Variants in CHRM2 observed in about 807,000 individuals in gnomAD.
The protein encoded by CHRM2 is muscarinic acetylcholine receptor M2.
In CHRM2, 8 loss-of-function variants were observed where a neutral mutation model predicts 25.0. The observed-to-expected ratio is 0.32, with a 90% CI of 0.19 to 0.58. The LOEUF is 0.58. Ranked by LOEUF, CHRM2 falls within the 20% of genes least tolerant of loss-of-function variation. The pLI is 0.88. For missense variants in CHRM2, 440 were observed against 567.1 expected, an observed-to-expected ratio of 0.78 and a Z score of 2.28; for synonymous variants, 202 against 205.7, an observed-to-expected ratio of 0.98 and a Z score of 0.15.
chr7:136,957,945 AG>A (rs1563090119), intron 2 of CHRM2, among the ~76,000 whole-genome samples: 1 of 152,246 alleles, frequency 6.6e-6, no homozygotes, highest in Non-Finnish European at 1.5e-5. Context: ...TTAAGCTAGA[AG>A]TTTAAAAACT....
intron 2 of CHRM2, among the ~76,000 whole-genome samples, chr7:136,987,666 G>A (rs1244488953): frequency 6.6e-6 from 1 of 152,180 alleles, no homozygotes; most frequent in Non-Finnish European, 1.5e-5. Context: ...AATGACAAAT[G>A]GGTGAACTAT....
chr7:137,009,269 C>G (rs1023151527), intron 3 of CHRM2, among the ~76,000 whole-genome samples: 1 of 152,034 alleles, frequency 6.6e-6, no homozygotes, highest in African/African-American at 2.4e-5. Context: ...TTAATTTTCT[C>G]TGTAACAATT....
intron 2 of CHRM2, among the ~76,000 whole-genome samples, chr7:136,966,002 T>C (rs1801393367): frequency 6.6e-6 from 1 of 151,966 alleles, no homozygotes; most frequent in African/African-American, 2.4e-5. Context: ...TATGCTATAA[T>C]ATTAACCAAG....
intron 2 of CHRM2, among the ~76,000 whole-genome samples, chr7:136,926,065 C>G (rs1215988791): frequency 6.6e-6 from 1 of 151,944 alleles, no homozygotes; most frequent in Non-Finnish European, 1.5e-5. Flanking sequence ...GGTGAAACAC[C>G]ACGTCTACTA....
At chr7:136,962,585 T>G (rs1198649086) in intron 2 of CHRM2, among the ~76,000 whole-genome samples, 1 of 152,218 alleles carries the variant, frequency 6.6e-6, no homozygotes, top group African/African-American at 2.4e-5. Context: ...AATATGAAAC[T>G]GTCCACTTAA....
intron 2 of CHRM2, among the ~76,000 whole-genome samples, chr7:136,911,262 T>C (rs150613207): frequency 9.2e-4 from 140 of 152,016 alleles, no homozygotes; most frequent in African/African-American, 3.3e-3. Flanking sequence ...TTATCTTAGA[T>C]TGATAACATC....
At chr7:136,913,535 G>A (rs1322605128) in intron 2 of CHRM2, among the ~76,000 whole-genome samples, 1 of 151,838 alleles carries the variant, frequency 6.6e-6, no homozygotes, top group African/African-American at 2.4e-5. Flanking sequence ...TGTGTAATAA[G>A]GTAACTTTGC....
intron 3 of CHRM2, among the ~76,000 whole-genome samples, chr7:136,999,224 C>T (rs1803815461): frequency 1.3e-5 from 2 of 151,870 alleles, no homozygotes; most frequent in African/African-American, 2.4e-5. Context: ...AATGTACCAT[C>T]GGGGAGGGGA....
chr7:136,977,083 A>ATC (rs1486773006), intron 2 of CHRM2, among the ~76,000 whole-genome samples: 21 of 152,220 alleles, frequency 1.4e-4, no homozygotes, highest in Non-Finnish European at 1.5e-5. Context: ...ACTGTGAAAG[A>ATC]TAGAACATCT....
At chr7:136,939,383 T>C (rs900743275) in intron 2 of CHRM2, among the ~76,000 whole-genome samples, 3 of 152,244 alleles carry the variant, frequency 2.0e-5, no homozygotes, top group African/African-American at 7.2e-5. Flanking sequence ...GTTCCAGTTC[T>C]AATGCCCCTT....
rs1805213844 is a variant in CHRM2, at chr7:137,016,741, A to G, written c.*475A>G. On this transcript the variant is annotated 3_prime_UTR_variant, in exon 4 of 4. Transcript: ENST00000680005. Reference sequence around the variant, plus strand: ...ATGGGGACATAAAAAAAGAAAATCAAAGAAGGATGCAGAAATTGTCTCCGG... The same window carrying G: ...ATGGGGACATAAAAAAAGAAAATCAGAGAAGGATGCAGAAATTGTCTCCGG... 1 of 171,464 alleles carries G rather than the reference A, an allele frequency of 5.8e-6. No homozygotes were observed. Among genetic ancestry groups the G allele is most frequent in the African/African-American group, 2.4e-5 (1 of 41,468 alleles). The allele number at this position is 171,464 out of a possible 1,614,324, so 10.6% of individuals were successfully genotyped here.
chr7:136,992,482 A>G (rs1191098508), intron 3 of CHRM2, among the ~76,000 whole-genome samples: 1 of 152,178 alleles, frequency 6.6e-6, no homozygotes, highest in Non-Finnish European at 1.5e-5. Context: ...GGGACAAACT[A>G]TTCACTAAGA....
rs565828560 is a variant in CHRM2 at position 137,016,737 on chromosome 7, A to G, written c.*471A>G. 2.9e-5 allele frequency: 5 copies of G among 171,696 alleles called. No individual in the cohort carries two copies. The highest frequency in any genetic ancestry group is 1.2e-4 in the African/African-American group (5 of 41,598). The allele number at this position is 171,696 out of a possible 1,614,324, so 10.6% of individuals were successfully genotyped here. ...TACAATGGGGACATAAAAAAAGAAA[A>G]TCAAAGAAGGATGCAGAAATTGTCT... On this transcript the variant is annotated 3_prime_UTR_variant, in exon 4 of 4. Transcript: ENST00000680005.
At chr7:136,993,134 T>C (rs573899745) in intron 3 of CHRM2, among the ~76,000 whole-genome samples, 185 of 152,252 alleles carry the variant, frequency 1.2e-3, no homozygotes, top group African/African-American at 3.8e-3. Flanking sequence ...TTATAGTAAG[T>C]CTGGTTCATT....
At chr7:136,934,629 A>G (rs1020346536) in intron 2 of CHRM2, among the ~76,000 whole-genome samples, 1 of 152,092 alleles carries the variant, frequency 6.6e-6, no homozygotes, top group African/African-American at 2.4e-5. Context: ...TACTCAAAAA[A>G]TCTAATTCTA....
intron 3 of CHRM2, among the ~76,000 whole-genome samples, chr7:137,009,814 C>T (rs563920970): frequency 6.6e-6 from 1 of 151,970 alleles, no homozygotes; most frequent in African/African-American, 2.4e-5. Flanking sequence ...ATTATCATTA[C>T]CAGTAGTAGT....
chr7:136,988,060 C>T (rs1283431857), intron 2 of CHRM2, among the ~76,000 whole-genome samples: 1 of 150,154 alleles, frequency 6.7e-6, no homozygotes, highest in East Asian at 1.9e-4. Flanking sequence ...TATTTATTTA[C>T]ATATATGAAT....
intron 2 of CHRM2, among the ~76,000 whole-genome samples, chr7:136,975,347 G>A (rs1280603047): frequency 2.6e-5 from 4 of 152,052 alleles, no homozygotes; most frequent in Non-Finnish European, 5.9e-5. Context: ...ATTTAAACAT[G>A]GTCCATAGCC....
chr7:136,877,761 T>C (rs1796104090), intron 2 of CHRM2, among the ~76,000 whole-genome samples: 1 of 152,068 alleles, frequency 6.6e-6, no homozygotes, highest in Admixed American at 6.5e-5. Flanking sequence ...CTTGATGTTA[T>C]TGTTCACCCT....
Sources: gnomAD v4.1 joint callset for allele counts (sites outside exome capture counted in the v4.1 genomes callset) on GRCh38, gnomAD v4.1.1 for gene constraint, MANE v1.5 for transcripts, NCBI Gene and HGNC (gene_info 2026-07-23, HGNC 2026-07-21) for gene names.